Variants in ATP2B2 observed in about 807,000 individuals in gnomAD.
ATP2B2 encodes the protein plasma membrane calcium-transporting ATPase 2.
In ATP2B2, 15 loss-of-function variants were observed where a neutral mutation model predicts 120.0. The ratio of observed to expected loss-of-function variants is 0.12; its 90% CI spans 0.08 to 0.19. The LOEUF (loss-of-function observed/expected upper bound fraction) is 0.19, where lower values mean the gene tolerates loss of function less well. ATP2B2 is among the 10% of genes least tolerant of loss of function. The pLI is 1.00. For synonymous variants in ATP2B2, 694 were observed against 700.3 expected, an observed-to-expected ratio of 0.99 and a Z score of 0.14; for missense variants, 1,045 against 1,719.8, an observed-to-expected ratio of 0.61 and a Z score of 6.94.
At chr3:10,470,911 A>T (rs752585080) in intron 1 of ATP2B2, among the ~76,000 whole-genome samples, 1 of 152,116 alleles carries the variant, frequency 6.6e-6, no homozygotes, top group African/African-American at 2.4e-5. Flanking sequence ...GCGACAGCAC[A>T]TCGGATACTG....
chr3:10,495,127 A>T (rs1268251542), intron 1 of ATP2B2, among the ~76,000 whole-genome samples: 1 of 152,210 alleles, frequency 6.6e-6, no homozygotes, highest in Non-Finnish European at 1.5e-5. Context: ...GTTGCTGCTG[A>T]AGAGTCAGTC....
In ATP2B2 at chr3:10,350,382, A is replaced by G. The variant is rs757003128; in HGVS notation, c.2316+16T>C. ...GAGCGCGTTCCCCTGAGGATGCTTT[A>G]CGTTGGGACACGCACCTCCCCCTTC... is the stretch of plus-strand genomic sequence containing the variant. On this transcript the variant is annotated intron_variant, in intron 15 of 22. Transcript: ENST00000360273. 7 of 1,614,104 alleles carry G rather than the reference A, an allele frequency of 4.3e-6. No individual in the cohort carries two copies. In the South Asian group the frequency reaches 7.7e-5, roughly 18 times the overall value.
At chr3:10,678,254 G>C (rs1460880714) in intron 1 of ATP2B2, among the ~76,000 whole-genome samples, 1 of 152,202 alleles carries the variant, frequency 6.6e-6, no homozygotes, top group South Asian at 2.1e-4. Flanking sequence ...GTTTAATAAA[G>C]GCTGGATGGG....
chr3:10,356,363 G>A (rs1318004582), intron 14 of ATP2B2, among the ~76,000 whole-genome samples: 1 of 152,166 alleles, frequency 6.6e-6, no homozygotes, highest in African/African-American at 2.4e-5. Context: ...CTCAAGTCAT[G>A]CCCTGTTAGT....
intron 12 of ATP2B2, among the ~76,000 whole-genome samples, chr3:10,360,904 A>C (rs2060878780): frequency 1.3e-5 from 2 of 152,044 alleles, no homozygotes; most frequent in South Asian, 2.1e-4. Context: ...TTTTAAAGCT[A>C]TGGTCACCTC....
intron 2 of ATP2B2, among the ~76,000 whole-genome samples, chr3:10,438,230 G>A (rs936193788): frequency 1.3e-5 from 2 of 152,210 alleles, no homozygotes; most frequent in South Asian, 2.1e-4. Flanking sequence ...GGGTCCATGA[G>A]TCTCTCAGGC....
intron 3 of ATP2B2, among the ~76,000 whole-genome samples, chr3:10,410,067 C>A (rs978601948): frequency 6.6e-6 from 1 of 152,194 alleles, no homozygotes; most frequent in African/African-American, 2.4e-5. Flanking sequence ...GGCTCCACAG[C>A]AAAATCTGAG....
chr3:10,625,240 C>T (rs2125630109), intron 1 of ATP2B2, among the ~76,000 whole-genome samples: 1 of 152,264 alleles, frequency 6.6e-6, no homozygotes, highest in Admixed American at 6.5e-5. Flanking sequence ...CTAAGAGACA[C>T]ATTTTCTTTT....
At chr3:10,506,950 G>A (rs1433925779), upstream of ATP2B2, among the ~76,000 whole-genome samples, 2 of 152,350 alleles carry the variant, frequency 1.3e-5, no homozygotes, top group African/African-American at 2.4e-5. Context: ...CCGTGCAGAG[G>A]GGCCACGGGA....
At chr3:10,681,169 AG>A (rs990665796) in intron 1 of ATP2B2, among the ~76,000 whole-genome samples, 17 of 152,172 alleles carry the variant, frequency 1.1e-4, no homozygotes, top group African/African-American at 4.1e-4. Flanking sequence ...CAGAACTATG[AG>A]GGAATTAAAC....
chr3:10,540,191 A>G (rs550595230), intron 2 of ATP2B2, among the ~76,000 whole-genome samples: 1 of 152,328 alleles, frequency 6.6e-6, no homozygotes, highest in Admixed American at 6.5e-5. Context: ...ACCAGTTAGA[A>G]TGGTGATCAT....
At chr3:10,674,336 G>A (rs544826485) in intron 1 of ATP2B2, among the ~76,000 whole-genome samples, 7 of 152,318 alleles carry the variant, frequency 4.6e-5, no homozygotes, top group Admixed American at 1.3e-4. Context: ...AATGGGTCAC[G>A]TATTTTAGGT....
rs749056818 is a variant in ATP2B2, at chr3:10,512,464, G to GCGCGCGCGCACACACACA, written c.-320+21574_-320+21575insTGTGTGTGTGCGCGCGCG. Among the ~76,000 whole-genome samples the GCGCGCGCGCACACACACA allele has an allele frequency of 3.6e-3, 493 of 136,896 alleles. 1 individual carries two copies. Among genetic ancestry groups the GCGCGCGCGCACACACACA allele is most frequent in the East Asian group, 0.014 (60 of 4,410 alleles). The allele number at this position is 136,896 out of a possible 152,430, so 89.8% of individuals were successfully genotyped here. On this transcript the variant is annotated intron_variant, in intron 3 of 21. Coordinates refer to the ATP2B2 transcript ENST00000646379. Reference sequence around the variant, plus strand: ...TATTCCTGGGTGCTAAAGTGTGTGCGCACACACACACACACACACACACAC... The same window carrying GCGCGCGCGCACACACACA: ...TATTCCTGGGTGCTAAAGTGTGTGCGCGCGCGCGCACACACACACACACACACACACACACACACACAC...
chr3:10,338,639 C>T, intron 21 of ATP2B2: 1 of 442,542 alleles, frequency 2.3e-6, no homozygotes, highest in South Asian at 2.2e-5. Context: ...AGTGGACAAT[C>T]TTGGCCTCTA....
At chr3:10,685,363 C>G (rs554403171) in intron 1 of ATP2B2, among the ~76,000 whole-genome samples, 1 of 152,172 alleles carries the variant, frequency 6.6e-6, no homozygotes. Flanking sequence ...GAGCAAGCAG[C>G]GTGAAGCTGT....
chr3:10,547,525 TC>T (rs2067576690), intron 2 of ATP2B2, among the ~76,000 whole-genome samples: 1 of 152,146 alleles, frequency 6.6e-6, no homozygotes, highest in South Asian at 2.1e-4. Context: ...TATCTCCCGC[TC>T]CATAAGACAC....
chr3:10,587,036 G>T (rs1371574804), intron 2 of ATP2B2, among the ~76,000 whole-genome samples: 6 of 152,202 alleles, frequency 3.9e-5, no homozygotes, highest in African/African-American at 1.2e-4. Context: ...ATCATAGCCT[G>T]TAATCCCAGT....
At chr3:10,341,696 C>G (rs2060282954) in intron 19 of ATP2B2, among the ~76,000 whole-genome samples, 2 of 152,116 alleles carry the variant, frequency 1.3e-5, no homozygotes, top group Admixed American at 6.5e-5. Context: ...CCAAGACTAC[C>G]CAGGGTAGGT....
chr3:10,337,836 G>T (rs536705326), intron 22 of ATP2B2, among the ~76,000 whole-genome samples: 8 of 152,178 alleles, frequency 5.3e-5, no homozygotes, highest in Non-Finnish European at 8.8e-5. Context: ...GGTGCCCCCA[G>T]CCCTGAGCGA....
Sources: allele counts gnomAD v4.1 joint callset (sites outside exome capture counted in the v4.1 genomes callset), GRCh38; gene constraint gnomAD v4.1.1; transcripts MANE v1.5; gene names NCBI Gene and HGNC (gene_info 2026-07-23, HGNC 2026-07-21).